ZNF552: variants seen among roughly 807,000 people sequenced by gnomAD.
The protein encoded by ZNF552 is zinc finger protein 552.
ZNF552 carries 2 observed loss-of-function variants against 7.2 expected under a neutral mutation model. That is an observed-to-expected ratio of 0.28 (90% CI 0.11 to 0.88). The LOEUF (loss-of-function observed/expected upper bound fraction) is 0.88, where lower values mean the gene tolerates loss of function less well. Among genes scored for constraint, ZNF552 ranks in the 40% least tolerant of loss-of-function variants. The pLI, the probability that ZNF552 is intolerant of heterozygous loss-of-function variation, is 0.60. For synonymous variants in ZNF552, 173 were observed against 176.5 expected (o/e 0.98, Z 0.16); for missense variants, 421 against 493.4 (o/e 0.85, Z 1.39).
chr19:57,813,208 CTGACA>C (rs1463338852), intron 2 of ZNF552, 81 bp downstream of exon 2: 3 of 1,584,796 alleles, frequency 1.9e-6, no homozygotes, highest in Non-Finnish European at 2.6e-6. Context: ...GTCCATGCTC[CTGACA>C]TGAGAAAGTC....
intron 1 of ZNF552, among the ~76,000 whole-genome samples, chr19:57,813,874 G>A (rs1319612300): frequency 4.0e-5 from 6 of 151,306 alleles, no homozygotes. Flanking sequence ...TTCCCAAGTA[G>A]CTGGGATTAC....
intron 1 of ZNF552, 91 bp downstream of exon 1, chr19:57,814,599 GTCCCGACGCCGGGTCCGGGTT>G (rs1294211079): frequency 6.3e-7 from 1 of 1,588,722 alleles, no homozygotes; most frequent in African/African-American, 1.3e-5. Context: ...GCGCCTCAGT[GTCCCGACGCCGGGTCCGGGTT>G]GCAGAGCCGT....
intron 2 of ZNF552, 187 bp from the exon 3 acceptor site, chr19:57,809,290 G>A (rs1324226732): frequency 7.1e-7 from 1 of 1,412,146 alleles, no homozygotes; most frequent in East Asian, 2.5e-5. Context: ...GAATGTAGGA[G>A]GCCTCATAAC....
rs1179852158 is a variant in ZNF552 at position 57,813,492 on chromosome 19, C to T, written c.34-72G>A. 3.9e-6 allele frequency: 6 copies of T among 1,533,212 alleles called. No homozygotes were observed. The African/African-American group carries it at 6.8e-5, about 17-fold the overall frequency. 95.0% of individuals were successfully genotyped at this position (1,533,212 alleles called of 1,614,324 possible). A position where few individuals can be genotyped will look rare whatever the true frequency, so the allele number is the denominator to read the frequency against. On this transcript the variant is annotated intron_variant, in intron 1 of 2. Transcript: ENST00000391701. ...GGTATCACAATCCATCTCTCCCACA[C>T]ATCTACTCTCGCACATCCTCCTCTC...
chr19:57,808,595 G>A lies in ZNF552; in HGVS notation c.669C>T (p.Thr223=), dbSNP rs1457798364. The change falls in exon 3 of 3, where the codon ACC becomes ACT. Residue 223 remains threonine, a synonymous_variant. Transcript: ENST00000391701. ...TCTCGTGCTGACTGAGTATATCTTTGGTGCTAAAATGTTTCATGCATCCTC... is the reference window on the plus strand; with the variant it reads ...TCTCGTGCTGACTGAGTATATCTTTAGTGCTAAAATGTTTCATGCATCCTC... ...SCGGCMKHFS[T]KDILSQHERL... is the part of the protein sequence containing the mutation. 1.2e-6 allele frequency: 2 copies of A among 1,614,092 alleles called. No homozygotes were observed. Among genetic ancestry groups the A allele is most frequent in the Admixed American group, 1.7e-5 (1 of 60,010 alleles).
intron 2 of ZNF552, among the ~76,000 whole-genome samples, chr19:57,811,077 C>T (rs972799561): frequency 1.3e-5 from 2 of 152,166 alleles, no homozygotes; most frequent in Admixed American, 1.3e-4. Context: ...TCAGTAAATA[C>T]TGAAGGAACT....
intron 2 of ZNF552, among the ~76,000 whole-genome samples, chr19:57,812,716 G>C (rs1987880665): frequency 6.6e-6 from 1 of 152,098 alleles, no homozygotes; most frequent in Non-Finnish European, 1.5e-5. Flanking sequence ...TTAAAAGCGT[G>C]TGCCACCACA....
In ZNF552 at chr19:57,809,205, G is replaced by C. The variant is rs151093887; in HGVS notation, c.161-102C>G. 429 of 1,607,498 alleles carry C rather than the reference G, an allele frequency of 2.7e-4. 3 individuals carry two copies. The highest frequency in any genetic ancestry group is 2.1e-3 in the South Asian group (194 of 90,380). ...AAAACTGAGGAATTACTCCAAGGAA[G>C]TACTTGGAGGAACAGGATGTTGGCT... On this transcript the variant is annotated intron_variant, in intron 2 of 2. Coordinates refer to ENST00000391701, the MANE Select transcript of ZNF552 (RefSeq NM_024762.3).
At chr19:57,811,736 A>C (rs952697052) in intron 2 of ZNF552, among the ~76,000 whole-genome samples, 80 of 150,678 alleles carry the variant, frequency 5.3e-4, no homozygotes, top group African/African-American at 1.1e-3. Context: ...AAAAAAAAAA[A>C]AACAATGGAG....
Position 57,811,715 on chromosome 19 carries a change from CAAAAAAA to C in ZNF552, c.160+1572_160+1578del, listed in dbSNP as rs1162967437. ...GGACAACAAGAGCGAAACTCCATCT[CAAAAAAA>C]AAAAAAAAAAAAAAAACAATGGAGA... On this transcript the variant is annotated intron_variant, in intron 2 of 2. Transcript: ENST00000391701. Among the ~76,000 whole-genome samples, 7 of 49,704 alleles carry C rather than the reference CAAAAAAA, an allele frequency of 1.4e-4. No individual in the cohort carries two copies. In the East Asian group the frequency reaches 3.2e-3, roughly 23 times the overall value. The allele number at this position is 49,704 out of a possible 152,430, so 32.6% of individuals were successfully genotyped here.
At chr19:57,812,622 G>A (rs567706139) in intron 2 of ZNF552, among the ~76,000 whole-genome samples, 9 of 152,302 alleles carry the variant, frequency 5.9e-5, no homozygotes, top group South Asian at 2.1e-4. Flanking sequence ...AGGCTGGAGC[G>A]CAGTGGCACA....
At chr19:57,814,162 T>C (rs763529939) in intron 1 of ZNF552, among the ~76,000 whole-genome samples, 4 of 152,174 alleles carry the variant, frequency 2.6e-5, no homozygotes, top group Non-Finnish European at 4.4e-5. Context: ...CTGAACGCTT[T>C]TGTGTCCACG....
chr19:57,811,831 C>G (rs992985661), intron 2 of ZNF552, among the ~76,000 whole-genome samples: 6 of 151,044 alleles, frequency 4.0e-5, no homozygotes, highest in African/African-American at 2.4e-5. Context: ...GAGTTTGAGA[C>G]CAGCCTGGCC....
chr19:57,811,252 A>G (rs1987851284), intron 2 of ZNF552, among the ~76,000 whole-genome samples: 1 of 151,898 alleles, frequency 6.6e-6, no homozygotes, highest in Non-Finnish European at 1.5e-5. Context: ...GGCTCACTGC[A>G]AGCTCCGCCT....
intron 2 of ZNF552, among the ~76,000 whole-genome samples, chr19:57,810,479 A>T (rs1306627722): frequency 6.6e-6 from 1 of 152,186 alleles, no homozygotes; most frequent in Admixed American, 6.5e-5. Context: ...GTGCTCCAGA[A>T]ACATGTGCTG....
At position 57,814,529 on chromosome 19, in the gene ZNF552, G is replaced by GT. The variant is rs778892156; in HGVS notation, c.33+181dup. The GT allele has an allele frequency of 2.0e-5, 30 of 1,538,322 alleles. No individual in the cohort carries two copies. The South Asian group carries it at 3.3e-4, about 17-fold the overall frequency. On this transcript the variant is annotated intron_variant, in intron 1 of 2. Coordinates refer to ENST00000391701, the MANE Select transcript of ZNF552 (RefSeq NM_024762.3). ...CAGGCCATTGCCCGCGCCCCTCCCT[G>GT]TACCTGTCGCTCTCCCCACCGCATC...
intron 2 of ZNF552, chr19:57,812,937 A>G: frequency 3.1e-6 from 1 of 317,786 alleles, no homozygotes; most frequent in Non-Finnish European, 5.9e-6. Context: ...TGACAATGTC[A>G]ATGAAGACAA....
Position 57,812,028 on chromosome 19 carries a change from C to CAAAA in ZNF552, c.160+1262_160+1265dup, listed in dbSNP as rs35699223. 1.5e-3 allele frequency among the ~76,000 whole-genome samples: 95 copies of CAAAA among 63,708 alleles called. 2 individuals are homozygous for CAAAA. Among genetic ancestry groups the CAAAA allele is most frequent in the Non-Finnish European group, 1.4e-3 (47 of 34,634 alleles). The allele number at this position is 63,708 out of a possible 152,430, so 41.8% of individuals were successfully genotyped here. ...TGGGCAACAAAGTGAGACTCTGTCT[C>CAAAA]AAAAAAAAAAAAAAAAAAAAAAATT... On this transcript the variant is annotated intron_variant, in intron 2 of 2. Coordinates refer to ENST00000391701, the MANE Select transcript of ZNF552 (RefSeq NM_024762.3).
chr19:57,812,786 C>T (rs1453346682), intron 2 of ZNF552, among the ~76,000 whole-genome samples: 1 of 152,146 alleles, frequency 6.6e-6, no homozygotes, highest in African/African-American at 2.4e-5. Context: ...CCAGGCTGTT[C>T]TCGAACTCCT....
Sources: allele counts gnomAD v4.1 joint callset (sites outside exome capture counted in the v4.1 genomes callset), GRCh38; gene constraint gnomAD v4.1.1; transcripts MANE v1.5; gene names NCBI Gene and HGNC (gene_info 2026-07-23, HGNC 2026-07-21).